RBMS3: variants seen among roughly 807,000 people sequenced by gnomAD.
RBMS3 encodes the protein RNA-binding motif, single-stranded-interacting protein 3.
RBMS3 carries 27 observed loss-of-function variants against 66.8 expected under a neutral mutation model. The observed-to-expected ratio is 0.40, with a 90% CI of 0.30 to 0.56. The LOEUF (loss-of-function observed/expected upper bound fraction) is 0.56. Ranked by LOEUF, RBMS3 falls within the 20% of genes least tolerant of loss-of-function variation. The pLI is 0.40. For synonymous variants in RBMS3, 188 were observed against 183.0 expected (o/e 1.03, Z -0.22); for missense variants, 513 against 549.5 (o/e 0.93, Z 0.66).
At chr3:29,359,787 G>A (rs1252251358) in intron 1 of RBMS3, among the ~76,000 whole-genome samples, 2 of 152,144 alleles carry the variant, frequency 1.3e-5, no homozygotes, top group Non-Finnish European at 2.9e-5. Flanking sequence ...GGGTGTATGT[G>A]TCCAGGAATT....
In RBMS3 at chr3:30,003,881, T is replaced by C. The variant is rs2125406942; in HGVS notation, c.*19T>C. On this transcript the variant is annotated 3_prime_UTR_variant, in exon 15 of 15. Transcript: ENST00000383767. The stretch of plus-strand genomic sequence containing the variant: ...ACCATAAACAGGACTGAAGAATGTC[T>C]GTCTGAATCTTTGCCTTGAATGAAG... 1 of 1,447,454 alleles carries C rather than the reference T, an allele frequency of 6.9e-7. No individual in the cohort carries two copies. Among genetic ancestry groups the C allele is most frequent in the Non-Finnish European group, 9.2e-7 (1 of 1,092,672 alleles). The allele number at this position is 1,447,454 out of a possible 1,614,324, so 89.7% of individuals were successfully genotyped here.
intron 2 of RBMS3, among the ~76,000 whole-genome samples, chr3:29,455,261 T>G (rs2042147317): frequency 6.6e-6 from 1 of 152,208 alleles, no homozygotes; most frequent in Admixed American, 6.5e-5. Context: ...AGCCTGAGGA[T>G]TCTGAAAGCA....
At chr3:29,585,372 G>A (rs1416895595) in intron 3 of RBMS3, among the ~76,000 whole-genome samples, 1 of 152,146 alleles carries the variant, frequency 6.6e-6, no homozygotes, top group Non-Finnish European at 1.5e-5. Flanking sequence ...GGGCTTCAGA[G>A]GCTACTAGCA....
At chr3:29,586,524 A>G (rs556021643) in intron 3 of RBMS3, among the ~76,000 whole-genome samples, 6 of 152,188 alleles carry the variant, frequency 3.9e-5, no homozygotes, top group Non-Finnish European at 8.8e-5. Context: ...TTAAGATGCT[A>G]TCATTGAGAT....
At chr3:29,654,764 G>GTTT (rs11294119) in intron 4 of RBMS3, among the ~76,000 whole-genome samples, 2 of 138,872 alleles carry the variant, frequency 1.4e-5, no homozygotes, top group Non-Finnish European at 3.1e-5. Flanking sequence ...TAATTTTTGC[G>GTTT]TTTTTTTTTT....
At chr3:29,824,203 T>C (rs903718802) in intron 6 of RBMS3, among the ~76,000 whole-genome samples, 2 of 151,270 alleles carry the variant, frequency 1.3e-5, no homozygotes, top group Non-Finnish European at 1.5e-5. Flanking sequence ...GAAGGTGAAT[T>C]GGACATGAGG....
intron 6 of RBMS3, among the ~76,000 whole-genome samples, chr3:29,836,328 A>C (rs1274329582): frequency 6.6e-6 from 1 of 152,088 alleles, no homozygotes; most frequent in Non-Finnish European, 1.5e-5. Context: ...ATTTCAGGTC[A>C]ATATCTCTGA....
At chr3:29,936,506 C>T (rs1422559703) in intron 11 of RBMS3, among the ~76,000 whole-genome samples, 3 of 152,046 alleles carry the variant, frequency 2.0e-5, no homozygotes, top group Admixed American at 1.3e-4. Context: ...AATCTAGACC[C>T]TTTGACTTAA....
intron 4 of RBMS3, among the ~76,000 whole-genome samples, chr3:29,688,519 G>A (rs6808165): frequency 0.62 from 88,201 of 142,832 alleles, 26,399 homozygotes; most frequent in Middle Eastern, 0.69. Context: ...TTTGTTTTTC[G>A]TTTTGATTAA....
chr3:29,851,284 T>C (rs2058928581), intron 6 of RBMS3, among the ~76,000 whole-genome samples: 2 of 152,204 alleles, frequency 1.3e-5, no homozygotes, highest in Non-Finnish European at 2.9e-5. Flanking sequence ...TAGTTGTGAA[T>C]GAATGAATGT....
At chr3:29,490,243 A>G (rs929735960) in intron 3 of RBMS3, among the ~76,000 whole-genome samples, 2 of 151,956 alleles carry the variant, frequency 1.3e-5, no homozygotes, top group African/African-American at 4.8e-5. Flanking sequence ...ATTTCAGCAA[A>G]GGTGTGTGAA....
chr3:29,485,350 C>T (rs1161203662), intron 2 of RBMS3, among the ~76,000 whole-genome samples: 1 of 151,770 alleles, frequency 6.6e-6, no homozygotes, highest in Non-Finnish European at 1.5e-5. Context: ...CAAATAGTTA[C>T]TGTAGACTAG....
intron 6 of RBMS3, among the ~76,000 whole-genome samples, chr3:29,833,150 AAG>A (rs1274917473): frequency 6.6e-6 from 1 of 152,204 alleles, no homozygotes; most frequent in African/African-American, 2.4e-5. Flanking sequence ...AGCTGAATCT[AAG>A]AGAGCTCAGA....
chr3:29,346,464 C>G (rs562918669), intron 1 of RBMS3, among the ~76,000 whole-genome samples: 1 of 125,730 alleles, frequency 8.0e-6, no homozygotes. Flanking sequence ...AATGTAGTGG[C>G]GCGATCTCAG....
At chr3:29,304,693 G>A (rs144706504) in intron 1 of RBMS3, among the ~76,000 whole-genome samples, 6 of 152,022 alleles carry the variant, frequency 3.9e-5, no homozygotes, top group Non-Finnish European at 7.4e-5. Flanking sequence ...TCATAGAATT[G>A]TAGTTCTCTC....
intron 3 of RBMS3, among the ~76,000 whole-genome samples, chr3:29,517,125 G>C (rs141164346): frequency 5.1e-4 from 77 of 151,974 alleles, no homozygotes; most frequent in Non-Finnish European, 9.6e-4. Context: ...AGATGGGAGG[G>C]TGACCTGAGC....
At chr3:29,684,213 A>G (rs968935010) in intron 4 of RBMS3, among the ~76,000 whole-genome samples, 18 of 152,228 alleles carry the variant, frequency 1.2e-4, no homozygotes, top group African/African-American at 3.9e-4. Context: ...AGGCCTATCA[A>G]CTAAAATTCA....
chr3:29,911,862 CA>C (rs1461560574), intron 10 of RBMS3, among the ~76,000 whole-genome samples: 1 of 151,922 alleles, frequency 6.6e-6, no homozygotes, highest in Non-Finnish European at 1.5e-5. Flanking sequence ...TAGACTAGGA[CA>C]TTTTAAAAAT....
At position 29,948,220 on chromosome 3, in the gene RBMS3, C is replaced by T. The variant is rs185910818; in HGVS notation, c.1098+3966C>T. Reference sequence around the variant, plus strand: ...TTTCTAACCATGGAGTTGTGCTCTACGAATAAAGTTCTTCATTGGAGTACA... The same window carrying T: ...TTTCTAACCATGGAGTTGTGCTCTATGAATAAAGTTCTTCATTGGAGTACA... On this transcript the variant is annotated intron_variant, in intron 12 of 14. Coordinates refer to ENST00000383767, the MANE Select transcript of RBMS3 (RefSeq NM_001003793.3). Among the ~76,000 whole-genome samples the T allele has an allele frequency of 5.4e-3, 814 of 151,786 alleles. 9 individuals are homozygous for T. Among genetic ancestry groups the T allele is most frequent in the African/African-American group, 0.019 (783 of 41,484 alleles).
Sources: allele counts gnomAD v4.1 joint callset (sites outside exome capture counted in the v4.1 genomes callset), GRCh38; gene constraint gnomAD v4.1.1; transcripts MANE v1.5; gene names NCBI Gene and HGNC (gene_info 2026-07-23, HGNC 2026-07-21).